The following FSTL5 variants were observed in gnomAD, a reference collection of about 807,000 sequenced individuals.
FSTL5 encodes follistatin like 5, also known as follistatin-related protein 5.
Under a neutral mutation model 89.1 loss-of-function variants are expected in FSTL5, and 62 were observed. The ratio of observed to expected loss-of-function variants is 0.70; its 90% confidence interval spans 0.57 to 0.86. The LOEUF is 0.86. Among genes scored for constraint, FSTL5 ranks in the 40% least tolerant of loss-of-function variants. FSTL5 has a pLI of 0.00. For missense variants in FSTL5, 1,057 were observed against 1,001.6 expected (o/e 1.06, Z -0.75); for synonymous variants, 383 against 346.2 (o/e 1.11, Z -1.18).
chr4:161,970,336 T>C (rs1201195819), intron 3 of FSTL5, among the ~76,000 whole-genome samples: 1 of 152,084 alleles, frequency 6.6e-6, no homozygotes, highest in Non-Finnish European at 1.5e-5. Context: ...TCCAGGACTA[T>C]AAGGGACCCA....
At position 161,527,729 on chromosome 4, in the gene FSTL5, C is replaced by T. The variant is rs1171798707; in HGVS notation, c.1312+10437G>A. ...AAACTAGTTCAACCATTGTGGAAGTCAGTGTGGCGATTCCTCAGGGATCTA... is the reference window on the plus strand; with the variant it reads ...AAACTAGTTCAACCATTGTGGAAGTTAGTGTGGCGATTCCTCAGGGATCTA... On this transcript the variant is annotated intron_variant, in intron 10 of 15. Coordinates refer to ENST00000306100, the MANE Select transcript of FSTL5 (RefSeq NM_020116.5). 7.8e-3 allele frequency among the ~76,000 whole-genome samples: 1,186 copies of T among 151,712 alleles called. 23 individuals are homozygous for T. The highest frequency in any genetic ancestry group is 0.028 in the African/African-American group (1,145 of 41,192).
chr4:161,739,697 C>G (rs1234309838), intron 6 of FSTL5, among the ~76,000 whole-genome samples: 2 of 151,976 alleles, frequency 1.3e-5, no homozygotes, highest in African/African-American at 4.8e-5. Flanking sequence ...AGGTAAACAC[C>G]TTAGTAAGAT....
At chr4:162,153,722 A>C (rs1561048998) in intron 1 of FSTL5, among the ~76,000 whole-genome samples, 2 of 79,068 alleles carry the variant, frequency 2.5e-5, no homozygotes, top group Non-Finnish European at 5.9e-5. Flanking sequence ...GTATATAATA[A>C]TATATGTATA....
At chr4:161,992,041 G>A (rs969845723) in intron 3 of FSTL5, among the ~76,000 whole-genome samples, 1 of 152,232 alleles carries the variant, frequency 6.6e-6, no homozygotes, top group Non-Finnish European at 1.5e-5. Context: ...CAAGGAGGCG[G>A]TGTGGCAGGA....
chr4:161,990,727 C>CG (rs1560956101), intron 3 of FSTL5, among the ~76,000 whole-genome samples: 1 of 151,902 alleles, frequency 6.6e-6, no homozygotes, highest in Admixed American at 6.6e-5. Context: ...TGGTGGTTTT[C>CG]GGGTAGACAT....
intron 2 of FSTL5, among the ~76,000 whole-genome samples, chr4:162,100,872 C>A (rs539072022): frequency 1.3e-5 from 2 of 152,194 alleles, no homozygotes; most frequent in South Asian, 4.2e-4. Flanking sequence ...AGAAAAGAGG[C>A]CCTTAACTCA....
intron 3 of FSTL5, among the ~76,000 whole-genome samples, chr4:162,025,001 G>T (rs1205068737): frequency 1.3e-5 from 2 of 151,828 alleles, no homozygotes; most frequent in Non-Finnish European, 2.9e-5. Flanking sequence ...TACTCTGAGA[G>T]AATAACGCTT....
At chr4:161,749,551 A>G (rs1284155089) in intron 6 of FSTL5, among the ~76,000 whole-genome samples, 6 of 152,146 alleles carry the variant, frequency 3.9e-5, no homozygotes, top group African/African-American at 1.4e-4. Context: ...TAATCCCAGC[A>G]CTTCGGGAGG....
intron 15 of FSTL5, among the ~76,000 whole-genome samples, chr4:161,431,132 A>C (rs1732350364): frequency 6.6e-6 from 1 of 152,342 alleles, no homozygotes; most frequent in Admixed American, 6.5e-5. Context: ...CTGTAATAGT[A>C]AGTACACAGA....
intron 1 of FSTL5, among the ~76,000 whole-genome samples, chr4:162,154,347 G>A (rs1733384278): frequency 6.6e-6 from 1 of 152,082 alleles, no homozygotes; most frequent in African/African-American, 2.4e-5. Flanking sequence ...TCCATAGCAT[G>A]TAAATCTTTT....
intron 2 of FSTL5, among the ~76,000 whole-genome samples, chr4:162,093,553 T>TA (rs1413630969): frequency 6.6e-6 from 1 of 152,160 alleles, no homozygotes; most frequent in African/African-American, 2.4e-5. Context: ...ATTCCTTCTT[T>TA]AAAAAATACA....
At chr4:161,444,850 C>G (rs916871750) in intron 15 of FSTL5, among the ~76,000 whole-genome samples, 1 of 151,874 alleles carries the variant, frequency 6.6e-6, no homozygotes, top group Admixed American at 6.6e-5. Flanking sequence ...TAAATTTGGA[C>G]TGAACTGAGT....
intron 4 of FSTL5, among the ~76,000 whole-genome samples, chr4:161,869,142 G>A (rs1271781973): frequency 2.0e-5 from 3 of 152,038 alleles, no homozygotes; most frequent in African/African-American, 7.2e-5. Context: ...GGAGGTTGCA[G>A]TGAGCCGAGA....
chr4:161,474,960 G>C (rs1206444320), intron 13 of FSTL5, among the ~76,000 whole-genome samples: 1 of 151,768 alleles, frequency 6.6e-6, no homozygotes, highest in African/African-American at 2.4e-5. Flanking sequence ...TTGTGTATCT[G>C]GGAATGTCTT....
intron 15 of FSTL5, among the ~76,000 whole-genome samples, chr4:161,407,441 T>C (rs1731425481): frequency 6.6e-6 from 1 of 152,142 alleles, no homozygotes; most frequent in African/African-American, 2.4e-5. Flanking sequence ...GCTAGAAACC[T>C]AGCATGAGAT....
chr4:161,656,274 G>A lies in FSTL5; in HGVS notation c.894+54C>T, dbSNP rs145386189. The stretch of plus-strand genomic sequence containing the variant: ...AGCTCCCCTGACATCACAAAGTCTG[G>A]AGTATATCACATGAAATATATATAT... On this transcript the variant is annotated intron_variant, in intron 7 of 15. Transcript: ENST00000306100. 6,630 of 975,532 alleles carry A rather than the reference G, an allele frequency of 6.8e-3. 70 individuals carry two copies. Among genetic ancestry groups the A allele is most frequent in the South Asian group, 0.042 (2,101 of 50,416 alleles). 60.4% of individuals were successfully genotyped at this position (975,532 alleles called of 1,614,324 possible).
chr4:161,664,865 C>T lies in FSTL5; in HGVS notation c.728-8371G>A, dbSNP rs552321178. On this transcript the variant is annotated intron_variant, in intron 6 of 15. Transcript: ENST00000306100. ...CAGAATCATTGTGGGAGGTGAAAGG[C>T]AGTTCTTACATGGCAGCGCAAGAGA... 2.7e-5 allele frequency: 5 copies of T among 185,540 alleles called. No individual in the cohort carries two copies. In the South Asian group the frequency reaches 7.5e-4, roughly 28 times the overall value. 11.5% of individuals were successfully genotyped at this position (185,540 alleles called of 1,614,324 possible).
Position 161,879,403 on chromosome 4 carries a change from A to C in FSTL5, c.409+41001T>G, listed in dbSNP as rs1009649077. Among the ~76,000 whole-genome samples, 3 of 152,216 alleles carry C rather than the reference A, an allele frequency of 2.0e-5. No individual in the cohort carries two copies. The East Asian group carries it at 5.8e-4, about 29-fold the overall frequency. On this transcript the variant is annotated intron_variant, in intron 4 of 15. Transcript: ENST00000306100. ...GAGCCAAACAATTGTTTTAAAGCCT[A>C]AATTTCTTCACGATGCTTTCCCAGG...
intron 8 of FSTL5, among the ~76,000 whole-genome samples, chr4:161,574,490 T>C (rs1047102817): frequency 6.6e-6 from 1 of 152,142 alleles, no homozygotes; most frequent in African/African-American, 2.4e-5. Context: ...ATTAGGTATT[T>C]GTCCTAATGC....
Sources: gnomAD v4.1 joint callset for allele counts (sites outside exome capture counted in the v4.1 genomes callset) on GRCh38, gnomAD v4.1.1 for gene constraint, MANE v1.5 for transcripts, NCBI Gene and HGNC (gene_info 2026-07-23, HGNC 2026-07-21) for gene names.